DNAJC1: variants seen among roughly 807,000 people sequenced by gnomAD.
DNAJC1 encodes DnaJ heat shock protein family (Hsp40) member C1.
A neutral mutation model predicts 76.6 loss-of-function variants in DNAJC1; 58 were observed. The observed-to-expected ratio is 0.76, with a 90% confidence interval of 0.61 to 0.94. DNAJC1 has a LOEUF of 0.94. Among genes scored for constraint, DNAJC1 ranks in the 40% least tolerant of loss-of-function variants. The pLI is 0.00. For missense variants in DNAJC1, 689 were observed against 677.3 expected, an observed-to-expected ratio of 1.02 and a Z score of -0.19; for synonymous variants, 258 against 267.9, an observed-to-expected ratio of 0.96 and a Z score of 0.36.
At chr10:21,906,450 T>A (rs1402067370) in intron 6 of DNAJC1, among the ~76,000 whole-genome samples, 1 of 152,180 alleles carries the variant, frequency 6.6e-6, no homozygotes, top group African/African-American at 2.4e-5. Context: ...AATGAGCTTA[T>A]TAGCTTCTTT....
At chr10:21,822,892 T>C in intron 8 of DNAJC1, among the ~76,000 whole-genome samples, 1 of 151,682 alleles carries the variant, frequency 6.6e-6, no homozygotes, top group Non-Finnish European at 1.5e-5. Context: ...AGTTTTGTTA[T>C]ATTATCTAGT....
At position 21,759,299 on chromosome 10, in the gene DNAJC1, T is replaced by A; in HGVS notation, c.1467A>T (p.Arg489Ser). The change falls in exon 11 of 12, where the codon AGA (arginine) becomes AGT (serine). Residue 489 changes from arginine (R) to serine (S), a missense_variant. Arg to Ser is a moderately radical substitution (Grantham distance 110, BLOSUM62 -1). Transcript: ENST00000376980. The stretch of plus-strand genomic sequence containing the variant: ...TCCACGGCTCCTCTGCAGACCGAGC[T>A]CTCTCTTTTCTCAGGCTCTCCTCGT... ...SSDEESLRKE[R>S]ARSAEEPWTQ... 6.2e-7 allele frequency: 1 copy of A among 1,614,196 alleles called. No homozygotes were observed. Among genetic ancestry groups the A allele is most frequent in the Non-Finnish European group, 8.5e-7 (1 of 1,180,034 alleles).
At chr10:21,947,500 A>C (rs925646872) in intron 1 of DNAJC1, among the ~76,000 whole-genome samples, 9 of 152,226 alleles carry the variant, frequency 5.9e-5, no homozygotes, top group Admixed American at 5.9e-4. Context: ...ATGAATAGTA[A>C]GTATATTTTC....
At chr10:21,828,694 T>C (rs1157198607) in intron 8 of DNAJC1, among the ~76,000 whole-genome samples, 2 of 152,238 alleles carry the variant, frequency 1.3e-5, no homozygotes, top group African/African-American at 2.4e-5. Flanking sequence ...TCCCTCCATA[T>C]TACTTTAAAG....
intron 1 of DNAJC1, among the ~76,000 whole-genome samples, chr10:21,953,643 T>C (rs1228916845): frequency 6.6e-6 from 1 of 151,606 alleles, no homozygotes; most frequent in Non-Finnish European, 1.5e-5. Flanking sequence ...TTTCCCCCTA[T>C]TACTGTCACT....
At chr10:21,830,704 A>C (rs1252198935) in intron 8 of DNAJC1, among the ~76,000 whole-genome samples, 1 of 152,204 alleles carries the variant, frequency 6.6e-6, no homozygotes, top group African/African-American at 2.4e-5. Flanking sequence ...AAATGTATTA[A>C]ACATTCTATC....
chr10:21,846,584 T>C (rs1386155213), intron 8 of DNAJC1, among the ~76,000 whole-genome samples: 2 of 152,180 alleles, frequency 1.3e-5, no homozygotes, highest in Admixed American at 1.3e-4. Flanking sequence ...CCATTAAAAC[T>C]TTTTAAAATT....
intron 6 of DNAJC1, among the ~76,000 whole-genome samples, chr10:21,912,282 T>A (rs1836876141): frequency 6.6e-6 from 1 of 152,194 alleles, no homozygotes. Flanking sequence ...TTTCACCAAT[T>A]TGAGTCTTAA....
At chr10:21,967,586 T>C (rs940220511) in intron 1 of DNAJC1, among the ~76,000 whole-genome samples, 1 of 152,240 alleles carries the variant, frequency 6.6e-6, no homozygotes, top group Non-Finnish European at 1.5e-5. Flanking sequence ...TTGGCTGTTC[T>C]TTAAAAGGTA....
intron 10 of DNAJC1, among the ~76,000 whole-genome samples, chr10:21,765,890 C>T (rs1834294792): frequency 1.3e-5 from 2 of 152,120 alleles, no homozygotes; most frequent in Non-Finnish European, 1.5e-5. Flanking sequence ...AGCCATTTAT[C>T]CCAAAGGGCA....
chr10:21,815,258 T>C (rs1459729112), intron 8 of DNAJC1, among the ~76,000 whole-genome samples: 1 of 152,206 alleles, frequency 6.6e-6, no homozygotes, highest in African/African-American at 2.4e-5. Context: ...TTTGAACTGA[T>C]CCATGACACC....
At chr10:21,892,101 A>G (rs572921356) in intron 7 of DNAJC1, among the ~76,000 whole-genome samples, 1 of 152,254 alleles carries the variant, frequency 6.6e-6, no homozygotes, top group South Asian at 2.1e-4. Context: ...GTAGACTGTG[A>G]TGTTATGTAT....
chr10:21,864,435 T>C lies in DNAJC1; in HGVS notation c.978+17847A>G, dbSNP rs564736292. Among the ~76,000 whole-genome samples the C allele has an allele frequency of 1.8e-3, 275 of 152,048 alleles. 2 individuals are homozygous for C. The Middle Eastern group carries it at 0.048, about 26-fold the overall frequency. ...AGGAGATTGAGACCATCCTGGCTAATGCAGGGAAACCCTGTCTCTACTAAA... is the reference window on the plus strand; with the variant it reads ...AGGAGATTGAGACCATCCTGGCTAACGCAGGGAAACCCTGTCTCTACTAAA... On this transcript the variant is annotated intron_variant, in intron 8 of 11. Transcript: ENST00000376980.
rs556759049 is a variant in DNAJC1, at chr10:21,878,383, T to C, written c.978+3899A>G. ...GGTGTTTTAAATTATTATAGTAGTA[T>C]AGTAGGTACACTGTGTGCTACAGTT... On this transcript the variant is annotated intron_variant, in intron 8 of 11. Coordinates refer to ENST00000376980, the MANE Select transcript of DNAJC1 (RefSeq NM_022365.4). Among the ~76,000 whole-genome samples, 343 of 152,342 alleles carry C rather than the reference T, an allele frequency of 2.3e-3. 3 individuals are homozygous for C. Among genetic ancestry groups the C allele is most frequent in the African/African-American group, 7.8e-3 (326 of 41,582 alleles).
At chr10:22,000,467 G>A (rs1838500950) in intron 1 of DNAJC1, among the ~76,000 whole-genome samples, 1 of 152,146 alleles carries the variant, frequency 6.6e-6, no homozygotes, top group Admixed American at 6.5e-5. Flanking sequence ...TCCTATTGCT[G>A]TTCTCCCATT....
At chr10:21,953,821 T>TAAAAAAAAAAAAAAAAAAAAA (rs779370823) in intron 1 of DNAJC1, among the ~76,000 whole-genome samples, 1 of 84,942 alleles carries the variant, frequency 1.2e-5, no homozygotes, top group Non-Finnish European at 2.3e-5. Context: ...AACTGAACTT[T>TAAAAAAAAAAAAAAAAAAAAA]AAAAAAAAAA....
intron 8 of DNAJC1, among the ~76,000 whole-genome samples, chr10:21,850,511 C>T (rs1185082581): frequency 6.7e-6 from 1 of 150,338 alleles, no homozygotes; most frequent in Non-Finnish European, 1.5e-5. Context: ...TATTGGAATA[C>T]TTAATATTTA....
At chr10:21,765,792 C>T (rs186541255) in intron 10 of DNAJC1, among the ~76,000 whole-genome samples, 2,124 of 152,080 alleles carry the variant, frequency 0.014, 32 homozygotes, top group South Asian at 0.049. Flanking sequence ...TGCAGTGAGC[C>T]GAGATTGCGC....
intron 8 of DNAJC1, among the ~76,000 whole-genome samples, chr10:21,835,402 CTT>C (rs1463370066): frequency 2.0e-5 from 3 of 152,154 alleles, no homozygotes; most frequent in Non-Finnish European, 4.4e-5. Flanking sequence ...AAACTGGAAA[CTT>C]TAAAAATCAG....
Sources: allele counts gnomAD v4.1 joint callset (sites outside exome capture counted in the v4.1 genomes callset), GRCh38; gene constraint gnomAD v4.1.1; transcripts MANE v1.5; gene names NCBI Gene and HGNC (gene_info 2026-07-23, HGNC 2026-07-21).